Variants in ROBO1 observed in about 807,000 individuals in gnomAD.
ROBO1 encodes the protein roundabout homolog 1.
In ROBO1, 149 loss-of-function variants were observed where a neutral mutation model predicts 195.9. The observed-to-expected ratio is 0.76, with a 90% CI of 0.67 to 0.87. ROBO1 has a LOEUF of 0.87. Ranked by LOEUF, ROBO1 falls within the 40% of genes least tolerant of loss-of-function variation. The probability of loss-of-function intolerance (pLI) is 0.00; values close to 1 mark genes in which losing one functional copy is unlikely to be tolerated. For synonymous variants in ROBO1, 816 were observed against 733.2 expected, an observed-to-expected ratio of 1.11 and a Z score of -1.82; for missense variants, 1,933 against 2,068.3, an observed-to-expected ratio of 0.93 and a Z score of 1.27.
At chr3:79,275,984 A>C (rs1007405371) in intron 2 of ROBO1, among the ~76,000 whole-genome samples, 1 of 151,970 alleles carries the variant, frequency 6.6e-6, no homozygotes, top group Non-Finnish European at 1.5e-5. Flanking sequence ...AGAGGACACA[A>C]AAATGGAAAG....
At chr3:79,755,055 T>A (rs1704316617) in intron 1 of ROBO1, among the ~76,000 whole-genome samples, 1 of 151,956 alleles carries the variant, frequency 6.6e-6, no homozygotes, top group Admixed American at 6.6e-5. Flanking sequence ...TAATTTTGTA[T>A]TTTTAGTAGA....
At chr3:78,726,473 T>C (rs1174200066) in intron 5 of ROBO1, among the ~76,000 whole-genome samples, 1 of 152,058 alleles carries the variant, frequency 6.6e-6, no homozygotes, top group African/African-American at 2.4e-5. Flanking sequence ...TTAGAAATTA[T>C]TTTTTCAGAA....
At chr3:79,309,387 G>A (rs1325059256) in intron 2 of ROBO1, among the ~76,000 whole-genome samples, 1 of 152,020 alleles carries the variant, frequency 6.6e-6, no homozygotes, top group Non-Finnish European at 1.5e-5. Context: ...TGGGCAACAC[G>A]GTGAAACCCC....
At chr3:79,570,268 T>C (rs1382717290) in intron 2 of ROBO1, among the ~76,000 whole-genome samples, 1 of 147,804 alleles carries the variant, frequency 6.8e-6, no homozygotes, top group Non-Finnish European at 1.5e-5. Context: ...AACCTACAGA[T>C]AAGGGATTTG....
chr3:79,390,927 T>C (rs1575763112), intron 2 of ROBO1, among the ~76,000 whole-genome samples: 1 of 151,980 alleles, frequency 6.6e-6, no homozygotes, highest in East Asian at 1.9e-4. Context: ...TGTTTAAGAA[T>C]GGAGATGAAA....
chr3:78,749,204 CT>C (rs2082729692), intron 4 of ROBO1, among the ~76,000 whole-genome samples: 1 of 152,016 alleles, frequency 6.6e-6, no homozygotes, highest in Non-Finnish European at 1.5e-5. Flanking sequence ...AAGTAAAATA[CT>C]TTTCAAATAA....
At chr3:79,224,607 C>T (rs1344437999) in intron 2 of ROBO1, among the ~76,000 whole-genome samples, 1 of 152,208 alleles carries the variant, frequency 6.6e-6, no homozygotes, top group Non-Finnish European at 1.5e-5. Flanking sequence ...GTGCTGTGCC[C>T]TCTAACCCTG....
chr3:79,081,491 G>A (rs1210361100), intron 3 of ROBO1, among the ~76,000 whole-genome samples: 1 of 152,152 alleles, frequency 6.6e-6, no homozygotes. Flanking sequence ...TCTGTTCGGG[G>A]CTTCTGTTGA....
intron 4 of ROBO1, among the ~76,000 whole-genome samples, chr3:78,754,806 T>C (rs1361210019): frequency 6.6e-6 from 1 of 152,098 alleles, no homozygotes; most frequent in African/African-American, 2.4e-5. Context: ...ATGAGAAACA[T>C]AATTTAAATT....
intron 4 of ROBO1, among the ~76,000 whole-genome samples, chr3:78,805,631 A>T (rs2084513670): frequency 6.6e-6 from 1 of 151,994 alleles, no homozygotes; most frequent in Non-Finnish European, 1.5e-5. Context: ...GATTAAGTCT[A>T]TTGGGGAAAA....
chr3:78,913,969 G>A (rs2038406607), intron 4 of ROBO1, among the ~76,000 whole-genome samples: 1 of 152,116 alleles, frequency 6.6e-6, no homozygotes, highest in African/African-American at 2.4e-5. Flanking sequence ...TTCATTCATT[G>A]AGCACTAAGA....
intron 8 of ROBO1, among the ~76,000 whole-genome samples, chr3:78,711,440 T>TTTCTTTCTTTCC (rs770070756): frequency 9.1e-4 from 38 of 41,606 alleles, no homozygotes; most frequent in Middle Eastern, 0.016. Context: ...TCTTTCTTTC[T>TTTCTTTCTTTCC]TTCCTTCCTT....
chr3:79,423,918 T>C (rs897253087), intron 2 of ROBO1, among the ~76,000 whole-genome samples: 1 of 151,988 alleles, frequency 6.6e-6, no homozygotes, highest in Non-Finnish European at 1.5e-5. Flanking sequence ...CATCTGCCCA[T>C]ATTAACATAC....
intron 4 of ROBO1, among the ~76,000 whole-genome samples, chr3:78,811,908 T>C (rs1253785856): frequency 6.6e-6 from 1 of 152,136 alleles, no homozygotes; most frequent in Non-Finnish European, 1.5e-5. Flanking sequence ...GTGTTCGCAT[T>C]ATAGTCCTAA....
chr3:78,815,975 C>A (rs1559885214), intron 4 of ROBO1, among the ~76,000 whole-genome samples: 2 of 152,178 alleles, frequency 1.3e-5, no homozygotes, highest in South Asian at 4.1e-4. Flanking sequence ...GCTAAGATAA[C>A]CGATGAAGGT....
At chr3:79,249,357 C>A (rs1040062460) in intron 2 of ROBO1, among the ~76,000 whole-genome samples, 1 of 152,154 alleles carries the variant, frequency 6.6e-6, no homozygotes, top group African/African-American at 2.4e-5. Flanking sequence ...TAATTATGAA[C>A]GCCTTACTTT....
At chr3:79,240,403 C>A (rs2082490534) in intron 2 of ROBO1, among the ~76,000 whole-genome samples, 1 of 152,090 alleles carries the variant, frequency 6.6e-6, no homozygotes, top group Non-Finnish European at 1.5e-5. Flanking sequence ...TTAATAAACA[C>A]AAACACAGGA....
At chr3:79,546,978 A>T (rs951629037) in intron 2 of ROBO1, among the ~76,000 whole-genome samples, 5 of 152,026 alleles carry the variant, frequency 3.3e-5, no homozygotes, top group East Asian at 1.9e-4. Flanking sequence ...TCAGGAGATC[A>T]AGACCATCTT....
chr3:78,718,826 G>C, intron 5 of ROBO1, among the ~76,000 whole-genome samples: 1 of 132,654 alleles, frequency 7.5e-6, no homozygotes, highest in East Asian at 2.4e-4. Flanking sequence ...GAGAGAGGGA[G>C]AGAGGGAGAG....
Sources: allele counts gnomAD v4.1 joint callset (sites outside exome capture counted in the v4.1 genomes callset), GRCh38; gene constraint gnomAD v4.1.1; transcripts MANE v1.5; gene names NCBI Gene and HGNC (gene_info 2026-07-23, HGNC 2026-07-21).